The following DCAKD variants were observed in gnomAD, a reference collection of about 807,000 sequenced individuals.
DCAKD encodes the protein dephospho-CoA kinase domain containing, also known as dephospho-CoA kinase domain-containing protein.
In DCAKD, 15 loss-of-function variants were observed where a neutral mutation model predicts 18.7. The observed-to-expected ratio is 0.80, with a 90% CI of 0.54 to 1.24. The LOEUF (loss-of-function observed/expected upper bound fraction) is 1.24. DCAKD is among the 50% of genes most tolerant of loss of function. The pLI, the probability that DCAKD is intolerant of heterozygous loss-of-function variation, is 0.00. For missense variants in DCAKD, 301 were observed against 322.0 expected (o/e 0.93, Z 0.50); for synonymous variants, 130 against 133.0 (o/e 0.98, Z 0.16).
upstream of DCAKD, among the ~76,000 whole-genome samples, chr17:45,054,584 T>C (rs2053760559): frequency 6.6e-6 from 1 of 152,214 alleles, no homozygotes; most frequent in Non-Finnish European, 1.5e-5. Context: ...TCTTGGCAGT[T>C]AGAAAGTTCT....
chr17:45,040,001 G>A (rs752023781), intron 1 of DCAKD, among the ~76,000 whole-genome samples: 1 of 152,016 alleles, frequency 6.6e-6, no homozygotes, highest in Non-Finnish European at 1.5e-5. Context: ...GCTGAGGCAG[G>A]AGAATTGCTT....
intron 1 of DCAKD, among the ~76,000 whole-genome samples, chr17:45,039,744 C>T (rs1430618436): frequency 1.3e-5 from 2 of 152,196 alleles, no homozygotes; most frequent in Non-Finnish European, 2.9e-5. Flanking sequence ...GTGCAGCTCC[C>T]CAGGGAGGCT....
intron 1 of DCAKD, among the ~76,000 whole-genome samples, chr17:45,037,767 C>CA (rs2053336257): frequency 9.0e-6 from 1 of 110,900 alleles, no homozygotes; most frequent in Admixed American, 9.0e-5. Context: ...GCTTCAAGAG[C>CA]TTTTTTTTTT....
intron 4 of DCAKD, among the ~76,000 whole-genome samples, chr17:45,025,888 A>AT (rs916596324): frequency 6.0e-5 from 9 of 149,362 alleles, no homozygotes; most frequent in African/African-American, 2.2e-4. Context: ...AGTAGCTGGG[A>AT]TTACTGGCAT....
chr17:45,026,165 C>T (rs12450833), intron 4 of DCAKD, among the ~76,000 whole-genome samples: 32 of 151,854 alleles, frequency 2.1e-4, no homozygotes, highest in Admixed American at 2.0e-3. Flanking sequence ...GTGATCCACC[C>T]GCCTTGGCCT....
intron 4 of DCAKD, among the ~76,000 whole-genome samples, chr17:45,028,717 T>C (rs1162309855): frequency 6.7e-6 from 1 of 148,692 alleles, no homozygotes; most frequent in Non-Finnish European, 1.5e-5. Flanking sequence ...GCCTTTTTTT[T>C]GAGATGGAGT....
In DCAKD at chr17:45,031,324, G is replaced by A. The variant is rs2143204968; in HGVS notation, c.317-1145C>T. Reference sequence around the variant, plus strand: ...AAGAGAAGCCCACAGTTGAACAAGGGGGTTAAAACCATAGGCTCTGATGAC... The same window carrying A: ...AAGAGAAGCCCACAGTTGAACAAGGAGGTTAAAACCATAGGCTCTGATGAC... On this transcript the variant is annotated intron_variant, in intron 3 of 4. Transcript: ENST00000651974. 3 of 985,286 alleles carry A rather than the reference G, an allele frequency of 3.0e-6. No individual in the cohort carries two copies. The South Asian group carries it at 1.4e-4, about 46-fold the overall frequency. 61.0% of individuals were successfully genotyped at this position (985,286 alleles called of 1,614,324 possible).
At chr17:45,027,443 T>C (rs1370789501) in intron 4 of DCAKD, among the ~76,000 whole-genome samples, 2 of 151,734 alleles carry the variant, frequency 1.3e-5, no homozygotes, top group Admixed American at 1.3e-4. Flanking sequence ...CACAAGGGAG[T>C]CCTTATTTTT....
intron 4 of DCAKD, among the ~76,000 whole-genome samples, chr17:45,028,865 G>A (rs1231721334): frequency 3.4e-5 from 5 of 147,450 alleles, no homozygotes; most frequent in South Asian, 2.2e-4. Context: ...CCACAACACC[G>A]GGCTAGTTTT....
In DCAKD at chr17:45,034,865, T is replaced by C. The variant is rs757871490; in HGVS notation, c.21A>G (p.Thr7=). The change falls in exon 2 of 5, where the codon ACA becomes ACG. Residue 7 remains threonine, a synonymous_variant. Coordinates refer to ENST00000651974, the MANE Select transcript of DCAKD (RefSeq NM_001288655.2). The part of the protein sequence containing the change: MFLVGL[T]GGIASGKSSV... The stretch of plus-strand genomic sequence containing the variant: ...AGCTCTTGCCTGAGGCAATGCCCCC[T>C]GTCAGGCCCACCAGAAACATCTTCC... 2.1e-5 allele frequency: 33 copies of C among 1,595,378 alleles called. No individual in the cohort carries two copies. The highest frequency in any genetic ancestry group is 3.4e-5 in the Admixed American group (2 of 59,054).
upstream of DCAKD, among the ~76,000 whole-genome samples, chr17:45,056,169 AAAG>A (rs903486947): frequency 9.9e-5 from 15 of 151,668 alleles, no homozygotes; most frequent in South Asian, 6.2e-4. Flanking sequence ...AAAAAAAAAA[AAAG>A]AAGGTTATCT....
chr17:45,027,502 C>T (rs2053078966), intron 4 of DCAKD, among the ~76,000 whole-genome samples: 1 of 152,236 alleles, frequency 6.6e-6, no homozygotes, highest in South Asian at 2.1e-4. Flanking sequence ...TCTCTGGCAT[C>T]TCTCAAGAGT....
chr17:45,060,992 G>T (rs1037719644), exon 1 of DCAKD: 19 of 1,054,656 alleles, frequency 1.8e-5, no homozygotes, highest in Non-Finnish European at 2.1e-5. Flanking sequence ...GAACCTCCAC[G>T]CCTGAAACCC....
chr17:45,060,803 T>C (rs1003383830), intron 1 of DCAKD: 2 of 156,404 alleles, frequency 1.3e-5, no homozygotes, highest in African/African-American at 2.4e-5. Context: ...ACTAGGCTTC[T>C]TGCGGAAAAG....
chr17:45,024,406 C>T lies in DCAKD; in HGVS notation c.*27G>A. 8.9e-6 allele frequency: 14 copies of T among 1,576,768 alleles called. No homozygotes were observed. Among genetic ancestry groups the T allele is most frequent in the Non-Finnish European group, 1.2e-5 (14 of 1,155,492 alleles). On this transcript the variant is annotated 3_prime_UTR_variant, in exon 5 of 5. Coordinates refer to ENST00000651974, the MANE Select transcript of DCAKD (RefSeq NM_001288655.2). ...AGCCTCCAAGGAGATAGATGGAGGC[C>T]TGGGGCTCCCTGCCTTGAGTGCCCC...
intron 3 of DCAKD, chr17:45,032,199 C>T (rs531448853): frequency 2.3e-6 from 2 of 853,770 alleles, no homozygotes; most frequent in African/African-American, 1.8e-5. Context: ...GGGAAGGACA[C>T]TGGCACAACA....
At chr17:45,060,102 T>TCAAAA (rs372398471) in intron 1 of DCAKD, among the ~76,000 whole-genome samples, 8,098 of 152,080 alleles carry the variant, frequency 0.053, 302 homozygotes, top group Middle Eastern at 0.082. Flanking sequence ...AGACTCCGTC[T>TCAAAA]CAAAACAAAA....
At chr17:45,056,569 G>T (rs1006324004), upstream of DCAKD, among the ~76,000 whole-genome samples, 1 of 152,042 alleles carries the variant, frequency 6.6e-6, no homozygotes, top group Non-Finnish European at 1.5e-5. Context: ...CACTTCCCGG[G>T]TTCAAGCAAT....
chr17:45,058,109 GTT>G (rs1348651156), intron 1 of DCAKD, among the ~76,000 whole-genome samples: 1 of 151,040 alleles, frequency 6.6e-6, no homozygotes, highest in Non-Finnish European at 1.5e-5. Context: ...GAGGTCAGGA[GTT>G]TAAGACCAGC....
Sources: allele counts gnomAD v4.1 joint callset (sites outside exome capture counted in the v4.1 genomes callset), GRCh38; gene constraint gnomAD v4.1.1; transcripts MANE v1.5; gene names NCBI Gene and HGNC (gene_info 2026-07-23, HGNC 2026-07-21).